KIF27: variants seen among roughly 807,000 people sequenced by gnomAD.
The protein encoded by KIF27 is kinesin family member 27, also known as kinesin-like protein KIF27.
In KIF27, 84 loss-of-function variants were observed where a neutral mutation model predicts 141.8. The observed-to-expected ratio is 0.59, with a 90% CI of 0.50 to 0.71. The LOEUF (loss-of-function observed/expected upper bound fraction) is 0.71. Ranked by LOEUF, KIF27 falls within the 30% of genes least tolerant of loss-of-function variation. KIF27 has a pLI of 0.00. For missense variants in KIF27, 1,306 were observed against 1,628.4 expected (o/e 0.80, Z 3.41); for synonymous variants, 471 against 569.5 (o/e 0.83, Z 2.46).
intron 12 of KIF27, among the ~76,000 whole-genome samples, 177 bp downstream of exon 12, chr9:83,870,342 C>T (rs1950671681): frequency 1.3e-5 from 2 of 152,058 alleles, no homozygotes; most frequent in South Asian, 4.2e-4. Context: ...AATTTTTATA[C>T]TTTTAGTAGA....
chr9:83,848,210 T>C (rs1460199778), intron 16 of KIF27, among the ~76,000 whole-genome samples: 1 of 50,852 alleles, frequency 2.0e-5, no homozygotes, highest in South Asian at 5.6e-4. Flanking sequence ...TCAGATATGA[T>C]ATATATGATA....
chr9:83,859,414 G>C (rs543589218), intron 13 of KIF27, 43 bp from the exon 14 acceptor site: 2 of 1,375,496 alleles, frequency 1.5e-6, no homozygotes, highest in South Asian at 2.3e-5. Context: ...ACAGTTACTA[G>C]AAATCTAGAC....
rs1588154047 is a variant in KIF27 at position 83,883,692 on chromosome 9, G to T, written c.2445+121C>A. 4 of 648,834 alleles carry T rather than the reference G, an allele frequency of 6.2e-6. No individual in the cohort carries two copies. The East Asian group carries it at 1.1e-4, about 18-fold the overall frequency. The allele number at this position is 648,834 out of a possible 1,614,324, so 40.2% of individuals were successfully genotyped here. On this transcript the variant is annotated intron_variant, in intron 10 of 17. Transcript: ENST00000297814. ...TCGACCAGCACACTACAAAAGAAAA[G>T]TTGATACCCAGTTTCTCTTGCTGGT...
chr9:83,837,195 A>G lies in KIF27; in HGVS notation c.4012T>C (p.Ser1338Pro). 1 of 1,614,204 alleles carries G rather than the reference A, an allele frequency of 6.2e-7. No homozygotes were observed. The highest frequency in any genetic ancestry group is 8.5e-7 in the Non-Finnish European group (1 of 1,180,018). Reference protein sequence around the residue: ...NQFTKSHSRLSSQIQVVGNVG... With the variant: ...NQFTKSHSRLPSQIQVVGNVG... ...TTTCCCACAACCTGAATTTGGGATG[A>G]CAGTCGACTGTGAGATTTTGTAAAC... Residue 1338 changes from serine to proline, a missense_variant, in exon 18 of 18, where the codon TCA (serine) becomes CCA (proline). Ser to Pro is a moderately conservative substitution (Grantham distance 74, BLOSUM62 -1). Around this residue, in one of 4 missense-constraint regions of KIF27, gnomAD observed 148 missense variants for 250.9 expected, o/e 0.59. Transcript: ENST00000297814.
chr9:83,911,492 G>A (rs1806496453), intron 2 of KIF27, among the ~76,000 whole-genome samples: 1 of 151,998 alleles, frequency 6.6e-6, no homozygotes, highest in Admixed American at 6.6e-5. Context: ...ACCTCCCAAA[G>A]TGCTGAGCTT....
chr9:83,903,727 G>C lies in KIF27; in HGVS notation c.791C>G (p.Ser264Cys), dbSNP rs1954186185. ...CAGCAATCCACTATTGATTTGAATGGATTCTTTGAACCGTTCACCAGTATT... is the reference window on the plus strand; with the variant it reads ...CAGCAATCCACTATTGATTTGAATGCATTCTTTGAACCGTTCACCAGTATT... Reference protein sequence around the residue: ...TGNTGERFKESIQINSGLLAL... With the variant: ...TGNTGERFKECIQINSGLLAL... The change falls in exon 4 of 18, where the codon TCC becomes TGC. Residue 264 changes from serine to cysteine, a missense_variant. By Grantham distance (112) the Ser-to-Cys change is moderately radical. Coordinates refer to ENST00000297814, the MANE Select transcript of KIF27 (RefSeq NM_017576.4). 2 of 1,614,148 alleles carry C rather than the reference G, an allele frequency of 1.2e-6. No individual in the cohort carries two copies. Among genetic ancestry groups the C allele is most frequent in the East Asian group, 4.5e-5 (2 of 44,884 alleles).
In KIF27 at chr9:83,890,815, G is replaced by A. The variant is rs113132184; in HGVS notation, c.1809+480C>T. Among the ~76,000 whole-genome samples the A allele has an allele frequency of 6.6e-5, 10 of 152,234 alleles. 1 individual carries two copies. The highest frequency in any genetic ancestry group is 2.4e-4 in the African/African-American group (10 of 41,534). On this transcript the variant is annotated intron_variant, in intron 6 of 17. Coordinates refer to ENST00000297814, the MANE Select transcript of KIF27 (RefSeq NM_017576.4). The stretch of plus-strand genomic sequence containing the variant: ...AGATTCTTTGATAATTCTTAAAACT[G>A]TGTGTGTATATATTTACCAACCACA...
At chr9:83,886,574 A>G (rs1322196696) in intron 9 of KIF27, among the ~76,000 whole-genome samples, 1 of 151,848 alleles carries the variant, frequency 6.6e-6, no homozygotes, top group Non-Finnish European at 1.5e-5. Flanking sequence ...ATTCTAATAC[A>G]CTGTCAAAAA....
At chr9:83,896,132 A>G (rs1953222666) in intron 5 of KIF27, among the ~76,000 whole-genome samples, 2 of 151,804 alleles carry the variant, frequency 1.3e-5, no homozygotes, top group East Asian at 3.9e-4. Flanking sequence ...AATCCCAGCT[A>G]TACAGGAGAC....
In KIF27 at chr9:83,903,261, A is replaced by G. The variant is rs1212402354; in HGVS notation, c.1257T>C (p.Phe419=). 3.7e-6 allele frequency: 6 copies of G among 1,614,060 alleles called. No individual in the cohort carries two copies. In the African/African-American group the frequency reaches 8.0e-5, roughly 22 times the overall value. ...LGYQCCVEEA[F]TFLVDLKDTV... ...TATCTTTTAGGTCAACCAGGAAGGT[A>G]AAGGCTTCTTCTACACAACACTGGT... The change falls in exon 4 of 18, where the codon TTT becomes TTC. Residue 419 remains phenylalanine (F), a synonymous_variant. Coordinates refer to ENST00000297814, the MANE Select transcript of KIF27 (RefSeq NM_017576.4).
rs759182637 is a variant in KIF27 at position 83,903,503 on chromosome 9, G to A, written c.1015C>T (p.Arg339Trp). 6.8e-6 allele frequency: 11 copies of A among 1,613,928 alleles called. No homozygotes were observed. The highest frequency in any genetic ancestry group is 5.3e-5 in the African/African-American group (4 of 74,888). ...ACAGTGGGTTTGTTTCTAATGTTCC[G>A]TGCTCTGTTGGCATATTTGAGAGAA... ...LNSLKYANRARNIRNKPTVNF... is the reference protein window; with the variant it reads ...LNSLKYANRAWNIRNKPTVNF... The change falls in exon 4 of 18, where the codon CGG becomes TGG. Residue 339 changes from arginine to tryptophan, a missense_variant. Physicochemically the swap from Arg to Trp is moderately radical, Grantham distance 101. This residue lies in a region of KIF27 where 533 missense variants were observed against 565.6 expected (regional missense o/e 0.94). Transcript: ENST00000297814.
chr9:83,841,167 T>C (rs1291831358), intron 17 of KIF27, among the ~76,000 whole-genome samples: 6 of 151,694 alleles, frequency 4.0e-5, no homozygotes, highest in African/African-American at 1.5e-4. Context: ...GCCTCCCGGG[T>C]TCAAGCGATT....
chr9:83,917,830 A>G (rs1384989559), intron 1 of KIF27, among the ~76,000 whole-genome samples: 1 of 152,228 alleles, frequency 6.6e-6, no homozygotes, highest in Non-Finnish European at 1.5e-5. Flanking sequence ...CATAAGAAGT[A>G]AAACTACAAA....
chr9:83,835,308 G>A lies in KIF27; in HGVS notation c.*1693C>T, dbSNP rs1341656085. 1.3e-5 allele frequency among the ~76,000 whole-genome samples: 2 copies of A among 151,528 alleles called. No homozygotes were observed. The highest frequency in any genetic ancestry group is 1.5e-5 in the Non-Finnish European group (1 of 67,846). On this transcript the variant is annotated 3_prime_UTR_variant, in exon 18 of 18. Transcript: ENST00000297814. ...TGTACATAAATTTATAAAAATGGAAGACTAGCTGGAAACCAGAATCTGACT... is the reference window on the plus strand; with the variant it reads ...TGTACATAAATTTATAAAAATGGAAAACTAGCTGGAAACCAGAATCTGACT...
chr9:83,910,901 A>G (rs1400052629), intron 2 of KIF27, among the ~76,000 whole-genome samples: 1 of 152,148 alleles, frequency 6.6e-6, no homozygotes, highest in Non-Finnish European at 1.5e-5. Flanking sequence ...ACAAGGGGGA[A>G]GCAAACCAAA....
chr9:83,866,620 G>GT (rs1319884005), intron 13 of KIF27, among the ~76,000 whole-genome samples: 10 of 152,238 alleles, frequency 6.6e-5, no homozygotes, highest in African/African-American at 2.4e-4. Context: ...GCTCATGCCT[G>GT]TAATTCCAGC....
intron 14 of KIF27, among the ~76,000 whole-genome samples, chr9:83,857,264 C>T (rs950741554): frequency 6.6e-6 from 1 of 152,120 alleles, no homozygotes; most frequent in Non-Finnish European, 1.5e-5. Context: ...GATAGCAAAC[C>T]ATTCCAACTA....
At chr9:83,862,231 T>C (rs1205466774) in intron 13 of KIF27, among the ~76,000 whole-genome samples, 12 of 152,066 alleles carry the variant, frequency 7.9e-5, no homozygotes, top group Admixed American at 5.9e-4. Flanking sequence ...TTTGGTGTTT[T>C]AGACATGAAG....
intron 13 of KIF27, among the ~76,000 whole-genome samples, chr9:83,865,061 A>G (rs988840455): frequency 1.3e-5 from 2 of 151,952 alleles, no homozygotes; most frequent in Non-Finnish European, 2.9e-5. Context: ...TTTTGAGCCT[A>G]TATGTGTCTC....
Sources: allele counts gnomAD v4.1 joint callset (sites outside exome capture counted in the v4.1 genomes callset), GRCh38; gene constraint gnomAD v4.1.1; regional missense constraint gnomAD v4.1.1; transcripts MANE v1.5; gene names NCBI Gene and HGNC (gene_info 2026-07-23, HGNC 2026-07-21).